The following BLTP2 variants were observed in gnomAD, a reference collection of about 807,000 sequenced individuals.
BLTP2 encodes the protein U937-associated antigen.
chr17:28,631,329 G>A, the BLTP2 span: 51 of 701,238 alleles, frequency 7.3e-5, no homozygotes, highest in South Asian at 3.8e-4. Flanking sequence ...TGCGGGCACC[G>A]TGATCTTGGA....
the BLTP2 span, among the ~76,000 whole-genome samples, chr17:28,630,538 TGGTGTGAC>T: frequency 1.4e-5 from 2 of 146,218 alleles, no homozygotes; most frequent in African/African-American, 5.1e-5. Context: ...TGGAGCGCAC[TGGTGTGAC>T]CTCGGCTCTC....
chr17:28,633,398 G>A, the BLTP2 span: 1 of 1,612,376 alleles, frequency 6.2e-7, no homozygotes, highest in Non-Finnish European at 8.5e-7. Context: ...GTGTTGTATG[G>A]ATCCTATGAC....
chr17:28,619,812 G>A, the BLTP2 span: 10 of 1,613,600 alleles, frequency 6.2e-6, no homozygotes, highest in Non-Finnish European at 8.5e-6. Context: ...GACCGCCCTC[G>A]TTCTAGGAGA....
At chr17:28,638,151 G>A in the BLTP2 span, 50 of 1,599,570 alleles carry the variant, frequency 3.1e-5, no homozygotes, top group Admixed American at 8.1e-4. Context: ...GTTTTATAAT[G>A]CCCTAATGCA....
At chr17:28,632,707 A>G in the BLTP2 span, among the ~76,000 whole-genome samples, 10 of 152,156 alleles carry the variant, frequency 6.6e-5, no homozygotes, top group Non-Finnish European at 1.5e-4. Flanking sequence ...TGTGAGAGAT[A>G]AACGCTTGTT....
At chr17:28,615,855 C>T in the BLTP2 span, 1 of 1,588,042 alleles carries the variant, frequency 6.3e-7, no homozygotes, top group Non-Finnish European at 8.6e-7. Context: ...ACATCAGCTG[C>T]CATTTTGAGT....
chr17:28,640,230 T>TA, the BLTP2 span, among the ~76,000 whole-genome samples: 2 of 152,022 alleles, frequency 1.3e-5, no homozygotes, highest in Non-Finnish European at 2.9e-5. Flanking sequence ...CTGCCTCTAC[T>TA]AAAATACAAA....
At chr17:28,614,970 TCCTCGTGGATAACGGGAAGCCCCTCC>T in the BLTP2 span, 1 of 1,211,130 alleles carries the variant, frequency 8.3e-7, no homozygotes, top group East Asian at 2.3e-5. Flanking sequence ...CACCCACAAA[TCCTCGTGGATAACGGGAAGCCCCTCC>T]CACCCCACAA....
chr17:28,616,356 A>G, the BLTP2 span: 1 of 1,613,558 alleles, frequency 6.2e-7, no homozygotes, highest in Non-Finnish European at 8.5e-7. This position sits in a 1 kb window ranked among gnomAD's most constrained non-coding sequence, Gnocchi z 4.8. Flanking sequence ...CCATTTTTCT[A>G]TCATCAGGGG....
the BLTP2 span, chr17:28,618,883 A>T: frequency 6.2e-7 from 1 of 1,613,950 alleles, no homozygotes; most frequent in Admixed American, 1.7e-5. Flanking sequence ...GCAAAGTAAA[A>T]CTCAGTGCGA....
chr17:28,641,997 T>A, the BLTP2 span: 1 of 1,614,208 alleles, frequency 6.2e-7, no homozygotes, highest in Non-Finnish European at 8.5e-7. Flanking sequence ...TCCACAGTGA[T>A]AGCAGTGAGA....
chr17:28,643,814 T>A, the BLTP2 span, among the ~76,000 whole-genome samples: 1 of 152,212 alleles, frequency 6.6e-6, no homozygotes, highest in Non-Finnish European at 1.5e-5. Flanking sequence ...AATCTTCGAT[T>A]TCCTGTTATC....
the BLTP2 span, chr17:28,642,093 A>G: frequency 6.2e-7 from 1 of 1,612,474 alleles, no homozygotes; most frequent in Non-Finnish European, 8.5e-7. Flanking sequence ...GGGGATGATA[A>G]GCCTCTAAGG....
chr17:28,631,929 A>G, the BLTP2 span: 3 of 1,613,932 alleles, frequency 1.9e-6, 1 homozygote, highest in South Asian at 2.2e-5. Context: ...CCTGGCAACA[A>G]GAGAGCATAA....
chr17:28,617,270 A>G, the BLTP2 span: 1 of 1,614,174 alleles, frequency 6.2e-7, no homozygotes, highest in Middle Eastern at 1.6e-4. Flanking sequence ...TTCATGGTAA[A>G]CCAGCCCAAC....
chr17:28,637,848 A>G, the BLTP2 span: 1 of 1,614,012 alleles, frequency 6.2e-7, no homozygotes, highest in Non-Finnish European at 8.5e-7. Flanking sequence ...ACCAAGGCAG[A>G]AAGGGTAAAC....
At chr17:28,637,019 C>T in the BLTP2 span, 4 of 1,614,090 alleles carry the variant, frequency 2.5e-6, no homozygotes, top group Non-Finnish European at 8.5e-7. Context: ...AAAGGCTGAG[C>T]ACTGGGGTAG....
At chr17:28,615,657 G>A in the BLTP2 span, 7 of 1,613,446 alleles carry the variant, frequency 4.3e-6, no homozygotes, top group Middle Eastern at 1.7e-4. Flanking sequence ...GAGCCCTGGC[G>A]GGATACCTGG....
chr17:28,620,536 C>T, the BLTP2 span: 5 of 1,614,000 alleles, frequency 3.1e-6, no homozygotes. Context: ...CATGGAGCAG[C>T]AGGTTGTTGA....
Sources: gnomAD v4.1 joint callset for allele counts (sites outside exome capture counted in the v4.1 genomes callset) on GRCh38, gnomAD v4.1.1 for gene constraint, Gnocchi (gnomAD v3.1) non-coding constraint, MANE v1.5 for transcripts, NCBI Gene and HGNC (gene_info 2026-07-23, HGNC 2026-07-21) for gene names.